Variants in CREB1 observed in about 807,000 individuals in gnomAD.
CREB1 encodes cyclic AMP-responsive element-binding protein 1.
In CREB1, 2 loss-of-function variants were observed where a neutral mutation model predicts 42.0. That is an observed-to-expected ratio of 0.05 (90% CI 0.02 to 0.15). CREB1 has a LOEUF of 0.15. CREB1 is among the 10% of genes least tolerant of loss of function. The pLI is 1.00. For synonymous variants in CREB1, 123 were observed against 139.9 expected, an observed-to-expected ratio of 0.88 and a Z score of 0.85; for missense variants, 199 against 388.9, an observed-to-expected ratio of 0.51 and a Z score of 4.11.
chr2:207,604,619 ATTAAC>A lies in CREB1; in HGVS notation c.*7564_*7568del, dbSNP rs891533473. Among the ~76,000 whole-genome samples the A allele has an allele frequency of 6.6e-6, 1 of 152,224 alleles. No individual in the cohort carries two copies. Among genetic ancestry groups the A allele is most frequent in the Admixed American group, 6.5e-5 (1 of 15,288 alleles). ...TTTAATTAAGATGCAATTCACATAA[ATTAAC>A]TTTTTAAGTGAACAATTAAGTGGTA... On this transcript the variant is annotated 3_prime_UTR_variant, in exon 8 of 8. Transcript: ENST00000353267.
rs553589115 is a variant in CREB1, at chr2:207,559,256, G to A, written c.115-970G>A. On this transcript the variant is annotated intron_variant, in intron 2 of 7. Transcript: ENST00000353267. ...GCTTGAAATTCTGTGACTCTTCCCTGTAAGTAATAATAACAAGTCTAACTT... is the reference window on the plus strand; with the variant it reads ...GCTTGAAATTCTGTGACTCTTCCCTATAAGTAATAATAACAAGTCTAACTT... The A allele has an allele frequency of 1.7e-5, 16 of 963,488 alleles. No homozygotes were observed. In the South Asian group the frequency reaches 6.7e-4, roughly 40 times the overall value. The allele number at this position is 963,488 out of a possible 1,614,324, so 59.7% of individuals were successfully genotyped here. A position where few individuals can be genotyped will look rare whatever the true frequency, so the allele number is the denominator to read the frequency against.
intron 1 of CREB1, among the ~76,000 whole-genome samples, chr2:207,545,661 G>C (rs1224438975): frequency 6.6e-6 from 1 of 152,054 alleles, no homozygotes; most frequent in African/African-American, 2.4e-5. Context: ...TCTATTAAAG[G>C]GTCATAAATT....
At chr2:207,537,141 G>A (rs541618955) in intron 1 of CREB1, among the ~76,000 whole-genome samples, 1 of 152,070 alleles carries the variant, frequency 6.6e-6, no homozygotes, top group South Asian at 2.1e-4. Context: ...TGCAACCTCC[G>A]CCTCCTGGGT....
At chr2:207,535,810 ATTTATTTATT>A (rs1271847550) in intron 1 of CREB1, among the ~76,000 whole-genome samples, 2 of 148,150 alleles carry the variant, frequency 1.3e-5, no homozygotes, top group South Asian at 2.1e-4. Context: ...TTATTTATTT[ATTTATTTATT>A]TTTATTTATT....
intron 2 of CREB1, among the ~76,000 whole-genome samples, chr2:207,557,934 A>C (rs1481509846): frequency 6.6e-6 from 1 of 152,204 alleles, no homozygotes; most frequent in Non-Finnish European, 1.5e-5. Flanking sequence ...AAATATTACA[A>C]GAGCATTTAT....
At chr2:207,567,731 A>G (rs1051809749) in intron 4 of CREB1, 168 bp downstream of exon 4, 2 of 465,258 alleles carry the variant, frequency 4.3e-6, no homozygotes, top group Admixed American at 3.5e-5. Context: ...CCTACAGAAT[A>G]AGAAGAGCAC....
intron 3 of CREB1, among the ~76,000 whole-genome samples, chr2:207,564,184 G>A (rs903690636): frequency 7.2e-5 from 11 of 152,136 alleles, no homozygotes; most frequent in Non-Finnish European, 1.2e-4. Context: ...AGAGTTGGAA[G>A]ATCATTGATC....
chr2:207,577,040 A>G (rs1313848117), intron 6 of CREB1: 2 of 944,534 alleles, frequency 2.1e-6, no homozygotes, highest in Middle Eastern at 5.4e-4. Flanking sequence ...ATAGTTGACC[A>G]TAATGCTTTA....
At chr2:207,596,166 A>T (rs1415967931) in intron 7 of CREB1, among the ~76,000 whole-genome samples, 1 of 152,032 alleles carries the variant, frequency 6.6e-6, no homozygotes, top group Non-Finnish European at 1.5e-5. Flanking sequence ...GTGCGGCCCA[A>T]CCTCACTCTT....
chr2:207,544,702 C>G (rs1268540385), intron 1 of CREB1, among the ~76,000 whole-genome samples: 1 of 152,190 alleles, frequency 6.6e-6, no homozygotes, highest in East Asian at 1.9e-4. Flanking sequence ...CTTCCTGATG[C>G]TCTTCCTCCT....
intron 2 of CREB1, 92 bp from the exon 3 acceptor site, chr2:207,560,134 G>A (rs1273359592): frequency 3.2e-5 from 39 of 1,201,284 alleles, no homozygotes; most frequent in Admixed American, 1.5e-4. Context: ...AAAAGGTCAC[G>A]TTTTTGCTTC....
intron 1 of CREB1, among the ~76,000 whole-genome samples, chr2:207,552,906 G>A (rs1418656956): frequency 2.0e-5 from 3 of 151,934 alleles, no homozygotes; most frequent in Admixed American, 6.6e-5. Context: ...ATGAGCCACC[G>A]CGCCCGGCTG....
Position 207,602,144 on chromosome 2 carries a change from G to A in CREB1, c.*5086G>A. ...AAGCCTTTGTATGTGTCCTCAGGGG[G>A]CAGACCGACTTTAAGAGGGACCAGA... On this transcript the variant is annotated 3_prime_UTR_variant, in exon 8 of 8. Transcript: ENST00000353267. The A allele has an allele frequency of 5.0e-6, 1 of 199,210 alleles. No homozygotes were observed. Among genetic ancestry groups the A allele is most frequent in the Admixed American group, 6.0e-5 (1 of 16,552 alleles). 12.3% of individuals were successfully genotyped at this position (199,210 alleles called of 1,614,324 possible).
At chr2:207,554,974 C>T (rs753346722) in intron 1 of CREB1, among the ~76,000 whole-genome samples, 4 of 152,032 alleles carry the variant, frequency 2.6e-5, no homozygotes, top group Non-Finnish European at 4.4e-5. Context: ...GAGGCTGAGG[C>T]GGGAGGATCA....
chr2:207,544,834 T>A (rs972304184), intron 1 of CREB1, among the ~76,000 whole-genome samples: 25 of 152,214 alleles, frequency 1.6e-4, no homozygotes, highest in Non-Finnish European at 4.4e-5. Context: ...TGGTTTTCTG[T>A]TCCTGTATTA....
intron 7 of CREB1, among the ~76,000 whole-genome samples, chr2:207,583,374 TTCTC>T (rs1284598481): frequency 6.6e-6 from 1 of 152,328 alleles, no homozygotes; most frequent in Admixed American, 6.5e-5. Context: ...TGTAACTTCT[TTCTC>T]CGACAGAAAC....
At chr2:207,548,904 A>T (rs937548161) in intron 1 of CREB1, among the ~76,000 whole-genome samples, 1 of 152,248 alleles carries the variant, frequency 6.6e-6, no homozygotes, top group African/African-American at 2.4e-5. Context: ...TATTTTTGTC[A>T]TATAAGTAAT....
At chr2:207,587,401 AAAAAAG>A (rs1477649099) in intron 7 of CREB1, among the ~76,000 whole-genome samples, 1 of 151,908 alleles carries the variant, frequency 6.6e-6, no homozygotes, top group Non-Finnish European at 1.5e-5. Flanking sequence ...TCAAAAAAAA[AAAAAAG>A]GAAAAAGAAA....
chr2:207,577,359 G>T (rs1050697125), intron 6 of CREB1, 146 bp from the exon 7 acceptor site: 12 of 1,182,296 alleles, frequency 1.0e-5, no homozygotes, highest in Non-Finnish European at 1.4e-5. Context: ...GAAGAGTGCT[G>T]ATTCTTTCAA....
Sources: gnomAD v4.1 joint callset for allele counts (sites outside exome capture counted in the v4.1 genomes callset) on GRCh38, gnomAD v4.1.1 for gene constraint, MANE v1.5 for transcripts, NCBI Gene and HGNC (gene_info 2026-07-23, HGNC 2026-07-21) for gene names.